Variants in NKAIN2 observed in about 807,000 individuals in gnomAD.
The protein encoded by NKAIN2 is sodium/potassium transporting ATPase interacting 2.
NKAIN2 carries 14 observed loss-of-function variants against 32.6 expected under a neutral mutation model. The observed-to-expected ratio is 0.43, with a 90% CI of 0.28 to 0.67. The LOEUF is 0.67. Ranked by LOEUF, NKAIN2 falls within the 30% of genes least tolerant of loss-of-function variation. The pLI is 0.17. For synonymous variants in NKAIN2, 80 were observed against 87.2 expected, an observed-to-expected ratio of 0.92 and a Z score of 0.46; for missense variants, 198 against 258.3, an observed-to-expected ratio of 0.77 and a Z score of 1.60.
At chr6:124,479,208 A>C (rs984639813) in intron 3 of NKAIN2, among the ~76,000 whole-genome samples, 2 of 152,164 alleles carry the variant, frequency 1.3e-5, no homozygotes, top group African/African-American at 4.8e-5. Context: ...ACCCTGGAAC[A>C]TAAAAAGAAT....
chr6:123,906,482 A>G (rs1012993534), intron 1 of NKAIN2, among the ~76,000 whole-genome samples: 1 of 150,068 alleles, frequency 6.7e-6, no homozygotes, highest in Non-Finnish European at 1.5e-5. Context: ...TTGTAGAGAC[A>G]GGGTTTCTCC....
intron 3 of NKAIN2, among the ~76,000 whole-genome samples, chr6:124,619,050 C>T (rs775388911): frequency 2.0e-5 from 3 of 152,032 alleles, no homozygotes; most frequent in Non-Finnish European, 2.9e-5. Flanking sequence ...AAATCACTCT[C>T]CTCCCAAAAG....
chr6:124,694,905 A>G (rs2114549434), intron 4 of NKAIN2, among the ~76,000 whole-genome samples: 1 of 152,360 alleles, frequency 6.6e-6, no homozygotes, highest in Non-Finnish European at 1.5e-5. Context: ...TGTTTTACCC[A>G]AAAGTATACA....
Position 124,318,441 on chromosome 6 carries a change from C to T in NKAIN2, c.192+35299C>T, listed in dbSNP as rs531215270. ...ATTTTAGCAGCATTTTTATCATCTC[C>T]CAATAAATTATTCTTGATAATTATT... On this transcript the variant is annotated intron_variant, in intron 2 of 6. Coordinates refer to ENST00000368417, the MANE Select transcript of NKAIN2 (RefSeq NM_001040214.3). 1.8e-4 allele frequency among the ~76,000 whole-genome samples: 28 copies of T among 151,804 alleles called. No homozygotes were observed. In the South Asian group the frequency reaches 5.8e-3, roughly 32 times the overall value.
intron 4 of NKAIN2, among the ~76,000 whole-genome samples, chr6:124,704,963 T>C (rs758162922): frequency 6.6e-6 from 1 of 152,070 alleles, no homozygotes; most frequent in Non-Finnish European, 1.5e-5. Context: ...TTAATACTTA[T>C]AATGACCATA....
At chr6:124,084,365 A>C (rs1172724225) in intron 1 of NKAIN2, among the ~76,000 whole-genome samples, 1 of 151,940 alleles carries the variant, frequency 6.6e-6, no homozygotes, top group Non-Finnish European at 1.5e-5. Flanking sequence ...CCATTGTGTG[A>C]CAATTGCCAT....
intron 4 of NKAIN2, among the ~76,000 whole-genome samples, chr6:124,727,281 GA>G (rs994330355): frequency 3.3e-5 from 5 of 152,026 alleles, no homozygotes; most frequent in Non-Finnish European, 5.9e-5. Context: ...TGAAATGAAG[GA>G]AAAAATGTTA....
intron 1 of NKAIN2, among the ~76,000 whole-genome samples, chr6:124,193,125 T>C (rs187374271): frequency 9.8e-5 from 15 of 152,342 alleles, no homozygotes; most frequent in Admixed American, 8.5e-4. Flanking sequence ...TTATGTCTTC[T>C]AGATTATGTT....
chr6:124,358,988 T>G (rs541918735), intron 3 of NKAIN2, among the ~76,000 whole-genome samples: 1 of 150,092 alleles, frequency 6.7e-6, no homozygotes, highest in Non-Finnish European at 1.5e-5. Context: ...GCTTTCTCCA[T>G]ATGGCTAGCC....
Position 124,387,307 on chromosome 6 carries a change from T to TAC in NKAIN2, c.273+31960_273+31961insAC, listed in dbSNP as rs1197515641. On this transcript the variant is annotated intron_variant, in intron 3 of 6. Transcript: ENST00000368417. ...ACCTAATTAAAGGTTTTTTTTTTTT[T>TAC]TTTAATCACTGTACTTCTTGCAAAG... is the stretch of plus-strand genomic sequence containing the variant. Among the ~76,000 whole-genome samples, 5 of 150,672 alleles carry TAC rather than the reference T, an allele frequency of 3.3e-5. No individual in the cohort carries two copies. The South Asian group carries it at 1.0e-3, about 32-fold the overall frequency.
chr6:124,740,498 AC>A (rs1404273044), intron 4 of NKAIN2, among the ~76,000 whole-genome samples: 1 of 150,120 alleles, frequency 6.7e-6, no homozygotes, highest in Non-Finnish European at 1.5e-5. Flanking sequence ...TGAAAAAAAA[AC>A]TGAGCATGGT....
At chr6:124,656,586 G>A (rs947578947) in intron 3 of NKAIN2, among the ~76,000 whole-genome samples, 1 of 151,956 alleles carries the variant, frequency 6.6e-6, no homozygotes, top group Non-Finnish European at 1.5e-5. Context: ...ACCCTGCATT[G>A]CATTAAATAT....
chr6:123,980,225 G>A (rs1340777277), intron 1 of NKAIN2, among the ~76,000 whole-genome samples: 1 of 152,142 alleles, frequency 6.6e-6, no homozygotes, highest in African/African-American at 2.4e-5. Context: ...ACACTTCCAA[G>A]AGGAAAGCAC....
At chr6:123,809,105 A>T (rs988009387) in intron 1 of NKAIN2, among the ~76,000 whole-genome samples, 1 of 152,158 alleles carries the variant, frequency 6.6e-6, no homozygotes, top group Non-Finnish European at 1.5e-5. Flanking sequence ...TACTTTTTTC[A>T]TAAGCAGTTT....
intron 3 of NKAIN2, among the ~76,000 whole-genome samples, chr6:124,615,382 G>A (rs1170447833): frequency 1.3e-5 from 2 of 152,138 alleles, no homozygotes; most frequent in African/African-American, 4.8e-5. Flanking sequence ...AAACTAACAA[G>A]CAAATTTAAA....
At chr6:124,007,765 G>T (rs1472875866) in intron 1 of NKAIN2, among the ~76,000 whole-genome samples, 1 of 152,220 alleles carries the variant, frequency 6.6e-6, no homozygotes, top group South Asian at 2.1e-4. Context: ...ATGATACTTT[G>T]CATCCCTTAG....
intron 1 of NKAIN2, among the ~76,000 whole-genome samples, chr6:124,062,653 G>A (rs938629196): frequency 6.6e-6 from 1 of 152,096 alleles, no homozygotes; most frequent in Non-Finnish European, 1.5e-5. Flanking sequence ...GGGCTCAAAC[G>A]ATACACCTGC....
At chr6:124,368,648 G>A (rs1246077557) in intron 3 of NKAIN2, among the ~76,000 whole-genome samples, 1 of 152,070 alleles carries the variant, frequency 6.6e-6, no homozygotes, top group East Asian at 1.9e-4. Flanking sequence ...TCCTCCCAAA[G>A]AGCAATGAGA....
intron 3 of NKAIN2, among the ~76,000 whole-genome samples, chr6:124,364,500 AGATT>A: frequency 6.6e-6 from 1 of 152,154 alleles, no homozygotes; most frequent in Non-Finnish European, 1.5e-5. Context: ...ATCAAAGAGA[AGATT>A]ATAAGAGGTG....
Sources: gnomAD v4.1 joint callset for allele counts (sites outside exome capture counted in the v4.1 genomes callset) on GRCh38, gnomAD v4.1.1 for gene constraint, MANE v1.5 for transcripts, NCBI Gene and HGNC (gene_info 2026-07-23, HGNC 2026-07-21) for gene names.